USP24: variants seen among roughly 807,000 people sequenced by gnomAD.
USP24 encodes ubiquitin carboxyl-terminal hydrolase 24.
A neutral mutation model predicts 361.6 loss-of-function variants in USP24; 97 were observed. That is an observed-to-expected ratio of 0.27 (90% CI 0.23 to 0.32). The LOEUF is 0.32. Ranked by LOEUF, USP24 falls within the 10% of genes least tolerant of loss-of-function variation. The pLI, the probability that USP24 is intolerant of heterozygous loss-of-function variation, is 1.00. For synonymous variants in USP24, 1,098 were observed against 1,124.6 expected (o/e 0.98, Z 0.47); for missense variants, 2,353 against 3,165.6 (o/e 0.74, Z 6.16).
chr1:55,103,740 GAGTATGTGAACAC>G, intron 42 of USP24, 123 bp downstream of exon 42: 1 of 878,066 alleles, frequency 1.1e-6, no homozygotes, highest in African/African-American at 1.7e-5. Flanking sequence ...TACTTGATTT[GAGTATGTGAACAC>G]AGTAAGCAAA....
intron 24 of USP24, 47 bp from the exon 25 acceptor site, chr1:55,139,057 G>T: frequency 1.3e-6 from 2 of 1,496,834 alleles, no homozygotes; most frequent in South Asian, 2.4e-5. Context: ...GAAGTGTGAT[G>T]ATCTGAGCTC....
chr1:55,095,986 G>C (rs967698793), intron 50 of USP24, among the ~76,000 whole-genome samples: 3 of 152,164 alleles, frequency 2.0e-5, no homozygotes, highest in African/African-American at 7.2e-5. Context: ...TTATCAAATA[G>C]CAAGTTCTGA....
chr1:55,166,961 T>A (rs986911181), intron 5 of USP24, among the ~76,000 whole-genome samples: 21 of 152,194 alleles, frequency 1.4e-4, no homozygotes, highest in Admixed American at 8.5e-4. Flanking sequence ...AAGCAGTAAA[T>A]CAGCAGAGAT....
At chr1:55,191,282 T>C (rs1644278820) in intron 1 of USP24, among the ~76,000 whole-genome samples, 1 of 152,198 alleles carries the variant, frequency 6.6e-6, no homozygotes, top group African/African-American at 2.4e-5. Flanking sequence ...ACTCATCTCT[T>C]CAGTATTTTA....
At chr1:55,176,271 T>C (rs1013869731) in intron 3 of USP24, 105 bp downstream of exon 3, 30 of 841,770 alleles carry the variant, frequency 3.6e-5, no homozygotes, top group Admixed American at 9.9e-5. Flanking sequence ...ATTCATAAAC[T>C]GGTCTTATAC....
At chr1:55,087,468 A>G (rs778007613) in intron 55 of USP24, among the ~76,000 whole-genome samples, 2 of 152,242 alleles carry the variant, frequency 1.3e-5, no homozygotes, top group African/African-American at 4.8e-5. Flanking sequence ...CAAATGGATG[A>G]TCTTTCTATA....
rs1485822157 is a variant in USP24, at chr1:55,089,706, C to A, written c.6589G>T (p.Ala2197Ser). ...DTEEWIATIE[A>S]LLSKSFDACQ... ...GCATCAAAACTTTTTGAAAGCAATG[C>A]TTCAATGGTAGCAATCCATTCTTCA... Residue 2197 changes from alanine to serine, a missense_variant, in exon 55 of 68, where the codon GCA (alanine) becomes TCA (serine). Transcript: ENST00000294383. 1 of 1,603,530 alleles carries A rather than the reference C, an allele frequency of 6.2e-7. No individual in the cohort carries two copies. Among genetic ancestry groups the A allele is most frequent in the South Asian group, 1.1e-5 (1 of 88,952 alleles).
At chr1:55,146,385 C>T (rs1214045345) in intron 19 of USP24, among the ~76,000 whole-genome samples, 1 of 152,156 alleles carries the variant, frequency 6.6e-6, no homozygotes, top group East Asian at 1.9e-4. Context: ...AGGCACTATG[C>T]TGGGCACTAT....
At chr1:55,074,155 C>T (rs1272278235) in intron 63 of USP24, among the ~76,000 whole-genome samples, 1 of 149,238 alleles carries the variant, frequency 6.7e-6, no homozygotes, top group Non-Finnish European at 1.5e-5. Flanking sequence ...ATACATGGTG[C>T]TGCAAGTTTG....
At chr1:55,131,590 AC>A (rs1646593031) in intron 31 of USP24, among the ~76,000 whole-genome samples, 1 of 152,196 alleles carries the variant, frequency 6.6e-6, no homozygotes, top group Admixed American at 6.5e-5. Context: ...AAATGTCATC[AC>A]ACCTTGAAGC....
Position 55,215,258 on chromosome 1 carries a change from G to T in USP24, c.-145C>A. On this transcript the variant is annotated 5_prime_UTR_variant, in exon 1 of 68. Transcript: ENST00000294383. ...GCCCCGGGTGCTCCGCAGCAGCCGG[G>T]CCAGGCTGGGTGCGGGCTTGGGTCC... 3.3e-6 allele frequency: 2 copies of T among 604,016 alleles called. No homozygotes were observed. Among genetic ancestry groups the T allele is most frequent in the Non-Finnish European group, 4.6e-6 (2 of 432,618 alleles). The allele number at this position is 604,016 out of a possible 1,614,324, so 37.4% of individuals were successfully genotyped here. A position where few individuals can be genotyped will look rare whatever the true frequency, so the allele number is the denominator to read the frequency against.
Position 55,101,784 on chromosome 1 carries a change from G to A in USP24, c.5026-81C>T. ...GACACATTTACACTATAGCTATGCG[G>A]GAGATATATTCACAGATTTACCCAT... On this transcript the variant is annotated intron_variant, in intron 42 of 67. Coordinates refer to ENST00000294383, the MANE Select transcript of USP24 (RefSeq NM_015306.3). 2.8e-6 allele frequency: 4 copies of A among 1,433,464 alleles called. No individual in the cohort carries two copies. The South Asian group carries it at 6.1e-5, about 22-fold the overall frequency. 88.8% of individuals were successfully genotyped at this position (1,433,464 alleles called of 1,614,324 possible).
chr1:55,139,615 A>G (rs1646832646), intron 24 of USP24, among the ~76,000 whole-genome samples: 2 of 152,214 alleles, frequency 1.3e-5, no homozygotes, highest in South Asian at 4.1e-4. Context: ...CATTACATGT[A>G]TTAACATTAA....
chr1:55,089,557 T>C (rs546524514), intron 55 of USP24, 70 bp downstream of exon 55: 1 of 1,031,048 alleles, frequency 9.7e-7, no homozygotes, highest in Admixed American at 2.7e-5. Context: ...AAAAGGGTTA[T>C]AAGAAACTTC....
chr1:55,171,446 AT>A, intron 5 of USP24, 109 bp downstream of exon 5: 1 of 1,342,652 alleles, frequency 7.4e-7, no homozygotes. Flanking sequence ...GATATTTGTC[AT>A]TTTTCAGATT....
chr1:55,079,804 AC>A, intron 59 of USP24, 145 bp from the exon 60 acceptor site: 1 of 1,047,426 alleles, frequency 9.5e-7, no homozygotes, highest in African/African-American at 1.7e-5. Flanking sequence ...GAGTACTCAC[AC>A]ACTGAGTACT....
intron 50 of USP24, 63 bp from the exon 51 acceptor site, chr1:55,095,459 A>G: frequency 6.7e-7 from 1 of 1,494,288 alleles, no homozygotes; most frequent in South Asian, 1.3e-5. Context: ...TTGACAATCT[A>G]AAACAAAGGG....
chr1:55,199,622 T>TGTGAGA (rs1553172673), intron 1 of USP24, among the ~76,000 whole-genome samples: 5 of 111,486 alleles, frequency 4.5e-5, no homozygotes, highest in African/African-American at 1.5e-4. Context: ...TGTGTGTGTG[T>TGTGAGA]GAGAGAGAGA....
At chr1:55,118,556 G>T (rs889932915) in intron 38 of USP24, among the ~76,000 whole-genome samples, 4 of 152,058 alleles carry the variant, frequency 2.6e-5, no homozygotes, top group Non-Finnish European at 5.9e-5. Flanking sequence ...TAATTTCCTG[G>T]CTATGACAGC....
Sources: gnomAD v4.1 joint callset for allele counts (sites outside exome capture counted in the v4.1 genomes callset) on GRCh38, gnomAD v4.1.1 for gene constraint, MANE v1.5 for transcripts, NCBI Gene and HGNC (gene_info 2026-07-23, HGNC 2026-07-21) for gene names.